TANC2: variants seen among roughly 807,000 people sequenced by gnomAD.
TANC2 encodes the protein protein TANC2.
Under a neutral mutation model 210.5 loss-of-function variants are expected in TANC2, and 26 were observed. The ratio of observed to expected loss-of-function variants is 0.12; its 90% CI spans 0.09 to 0.17. The LOEUF (loss-of-function observed/expected upper bound fraction) is 0.17, where lower values mean the gene tolerates loss of function less well. Among genes scored for constraint, TANC2 ranks in the 10% least tolerant of loss-of-function variants. TANC2 has a pLI of 1.00. For missense variants in TANC2, 2,129 were observed against 2,608.9 expected, an observed-to-expected ratio of 0.82 and a Z score of 4.01; for synonymous variants, 931 against 967.1, an observed-to-expected ratio of 0.96 and a Z score of 0.69.
At chr17:63,199,808 A>T (rs2041467622) in intron 6 of TANC2, among the ~76,000 whole-genome samples, 1 of 152,220 alleles carries the variant, frequency 6.6e-6, no homozygotes, top group African/African-American at 2.4e-5. Flanking sequence ...TTAAAAAGTA[A>T]ATAGCTTCAA....
At chr17:63,021,748 T>C (rs2034356867) in intron 2 of TANC2, among the ~76,000 whole-genome samples, 2 of 152,196 alleles carry the variant, frequency 1.3e-5, no homozygotes, top group Non-Finnish European at 2.9e-5. Context: ...GGGAAGAATT[T>C]GCAGGAGCAG....
chr17:63,259,053 A>G (rs1026209839), intron 8 of TANC2, among the ~76,000 whole-genome samples: 1 of 152,178 alleles, frequency 6.6e-6, no homozygotes, highest in Non-Finnish European at 1.5e-5. Flanking sequence ...GAATCCTGCC[A>G]GTACTGGGTC....
intron 21 of TANC2, among the ~76,000 whole-genome samples, chr17:63,406,827 G>A (rs2048523576): frequency 6.6e-6 from 1 of 152,218 alleles, no homozygotes; most frequent in African/African-American, 2.4e-5. Flanking sequence ...TCAGGCTCCT[G>A]TTGGTTGCTG....
Position 63,312,610 on chromosome 17 carries a change from A to G in TANC2, c.1160-1778A>G, listed in dbSNP as rs114329736. Reference sequence around the variant, plus strand: ...AAGATGGGGCAAGGGTCAAAAAACTATTAGGTACTATGCTTAGTACCTGAG... The same window carrying G: ...AAGATGGGGCAAGGGTCAAAAAACTGTTAGGTACTATGCTTAGTACCTGAG... On this transcript the variant is annotated intron_variant, in intron 9 of 27. Coordinates refer to ENST00000689528, the Ensembl canonical transcript of TANC2. Among the ~76,000 whole-genome samples, 557 of 152,312 alleles carry G rather than the reference A, an allele frequency of 3.7e-3. 5 individuals are homozygous for G. The highest frequency in any genetic ancestry group is 0.013 in the African/African-American group (547 of 41,562).
intron 10 of TANC2, among the ~76,000 whole-genome samples, chr17:63,316,991 T>C (rs1004677773): frequency 2.5e-4 from 38 of 151,600 alleles, no homozygotes; most frequent in Admixed American, 2.0e-3. Flanking sequence ...TAAGTTATTA[T>C]ATATAAACTT....
intron 7 of TANC2, among the ~76,000 whole-genome samples, chr17:63,206,141 A>T (rs2041703896): frequency 6.6e-6 from 1 of 152,220 alleles, no homozygotes; most frequent in African/African-American, 2.4e-5. Flanking sequence ...AACCAAAACC[A>T]CAATAAAACA....
At position 63,412,548 on chromosome 17, in the gene TANC2, C is replaced by T. The variant is rs2048736073; in HGVS notation, c.3899-132C>T. ...CTCCCCAAGCCCACAGACCTATAGA[C>T]GAGGGTTGGCTGATATGCTGGCTTT... On this transcript the variant is annotated intron_variant, in intron 23 of 27. Coordinates refer to ENST00000689528, the Ensembl canonical transcript of TANC2. This position sits in a 1 kb window ranked among gnomAD's most constrained non-coding sequence, Gnocchi z 4.2. 7 of 838,446 alleles carry T rather than the reference C, an allele frequency of 8.3e-6. No individual in the cohort carries two copies. The highest frequency in any genetic ancestry group is 3.2e-5 in the South Asian group (2 of 62,532). The allele number at this position is 838,446 out of a possible 1,614,324, so 51.9% of individuals were successfully genotyped here.
chr17:62,992,380 T>A (rs1232082866), intron 1 of TANC2, among the ~76,000 whole-genome samples: 1 of 152,250 alleles, frequency 6.6e-6, no homozygotes, highest in Non-Finnish European at 1.5e-5. Context: ...TCTTATGTGA[T>A]ATGTTGTGAG....
intron 7 of TANC2, among the ~76,000 whole-genome samples, chr17:63,210,473 G>A (rs1401415554): frequency 6.6e-6 from 1 of 152,056 alleles, no homozygotes; most frequent in Non-Finnish European, 1.5e-5. Flanking sequence ...AACCAGTATA[G>A]TTACTTATAG....
chr17:63,358,371 G>A (rs1235672553), intron 14 of TANC2, among the ~76,000 whole-genome samples: 115 of 137,038 alleles, frequency 8.4e-4, no homozygotes, highest in African/African-American at 3.1e-3. Flanking sequence ...GAGAGAGAGA[G>A]AGAGAGTATG....
chr17:63,348,561 A>G (rs1346707972), intron 12 of TANC2, among the ~76,000 whole-genome samples: 1 of 152,212 alleles, frequency 6.6e-6, no homozygotes, highest in Non-Finnish European at 1.5e-5. Flanking sequence ...GATATAATGT[A>G]GTTTTCCATA....
chr17:63,115,681 C>G (rs1427339059), intron 4 of TANC2, among the ~76,000 whole-genome samples: 1 of 152,132 alleles, frequency 6.6e-6, no homozygotes, highest in Non-Finnish European at 1.5e-5. Flanking sequence ...TTCCACTTTT[C>G]ATTTTTCTTT....
In TANC2 at chr17:63,421,331, T is replaced by C; in HGVS notation, c.5601T>C (p.Ser1867=). The C allele has an allele frequency of 6.2e-7, 1 of 1,614,008 alleles. No homozygotes were observed. The highest frequency in any genetic ancestry group is 8.5e-7 in the Non-Finnish European group (1 of 1,179,902). The change falls in exon 28 of 28, where the codon TCT becomes TCC. Residue 1867 remains serine, a synonymous_variant. Transcript: ENST00000689528. The surrounding 1 kb of genome is among the most constrained non-coding windows in gnomAD (Gnocchi z 6.9). Reference sequence around the variant, plus strand: ...CCCAAAGTGTAGGCCTTCGCTTCTCTCCATCTAGCAATAGTATCTCCTCCA... The same window carrying C: ...CCCAAAGTGTAGGCCTTCGCTTCTCCCCATCTAGCAATAGTATCTCCTCCA...
At chr17:63,040,177 A>G (rs918313934) in intron 2 of TANC2, among the ~76,000 whole-genome samples, 4 of 152,184 alleles carry the variant, frequency 2.6e-5, no homozygotes, top group Non-Finnish European at 4.4e-5. Context: ...CGCATTGCAC[A>G]TAGTCTTGAT....
intron 4 of TANC2, among the ~76,000 whole-genome samples, chr17:63,111,095 T>C (rs961941202): frequency 3.9e-5 from 6 of 152,178 alleles, no homozygotes; most frequent in African/African-American, 1.4e-4. Flanking sequence ...GAGGATTTCC[T>C]GAGCTCAGGA....
At chr17:63,012,869 G>A (rs2033935071) in intron 2 of TANC2, among the ~76,000 whole-genome samples, 1 of 151,940 alleles carries the variant, frequency 6.6e-6, no homozygotes, top group Non-Finnish European at 1.5e-5. Flanking sequence ...TCCCAAGGCT[G>A]GTCTTGAACT....
At chr17:63,158,048 A>G (rs988865807) in intron 5 of TANC2, among the ~76,000 whole-genome samples, 1 of 152,208 alleles carries the variant, frequency 6.6e-6, no homozygotes, top group Non-Finnish European at 1.5e-5. Context: ...GCATCTTTAC[A>G]TGCAGTCTAT....
chr17:63,148,788 A>C (rs535209229), intron 4 of TANC2: 40 of 152,298 alleles, frequency 2.6e-4, no homozygotes, highest in African/African-American at 9.6e-4. Flanking sequence ...ACAATGAAGC[A>C]TATTAAAATT....
intron 11 of TANC2, among the ~76,000 whole-genome samples, chr17:63,339,437 A>G (rs1282335979): frequency 6.6e-6 from 1 of 152,174 alleles, no homozygotes; most frequent in East Asian, 1.9e-4. Flanking sequence ...CAGACCCTGG[A>G]TGGTATTAAT....
Sources: gnomAD v4.1 joint callset for allele counts (sites outside exome capture counted in the v4.1 genomes callset) on GRCh38, gnomAD v4.1.1 for gene constraint, Gnocchi (gnomAD v3.1) non-coding constraint, MANE v1.5 for transcripts, NCBI Gene and HGNC (gene_info 2026-07-23, HGNC 2026-07-21) for gene names.